Variants in YAF2 observed in about 807,000 individuals in gnomAD.
The protein encoded by YAF2 is YY1-associated factor 2.
A neutral mutation model predicts 20.1 loss-of-function variants in YAF2; 7 were observed. The ratio of observed to expected loss-of-function variants is 0.35; its 90% CI spans 0.20 to 0.65. YAF2 has a LOEUF of 0.65. Ranked by LOEUF, YAF2 falls within the 30% of genes least tolerant of loss-of-function variation. YAF2 has a pLI of 0.69. For synonymous variants in YAF2, 74 were observed against 76.0 expected (o/e 0.97, Z 0.14); for missense variants, 151 against 219.2 (o/e 0.69, Z 1.96).
chr12:42,180,194 T>G (rs1003824613), intron 2 of YAF2, among the ~76,000 whole-genome samples: 2 of 152,174 alleles, frequency 1.3e-5, no homozygotes, highest in African/African-American at 4.8e-5. Flanking sequence ...GTGAGGTGCT[T>G]CTAATAAATA....
At chr12:42,168,239 C>T (rs2065960574) in intron 2 of YAF2, among the ~76,000 whole-genome samples, 1 of 144,860 alleles carries the variant, frequency 6.9e-6, no homozygotes, top group Admixed American at 7.2e-5. Flanking sequence ...AGTGCAATGG[C>T]GCACTCTCAG....
At chr12:42,233,015 C>CA in intron 2 of YAF2, 40 of 985,222 alleles carry the variant, frequency 4.1e-5, no homozygotes, top group Non-Finnish European at 4.8e-5. Flanking sequence ...TTTAAAGAAA[C>CA]AAAAAAATCC....
At chr12:42,200,377 G>A (rs80039797) in intron 2 of YAF2, among the ~76,000 whole-genome samples, 1,597 of 152,242 alleles carry the variant, frequency 0.01, 27 homozygotes, top group African/African-American at 0.037. Context: ...TAAAGAGAGA[G>A]GCTGAAAACT....
At chr12:42,178,199 G>A (rs1274977484) in intron 2 of YAF2, among the ~76,000 whole-genome samples, 1 of 151,766 alleles carries the variant, frequency 6.6e-6, no homozygotes, top group Non-Finnish European at 1.5e-5. Flanking sequence ...AAATTTCCAG[G>A]GATCTGTGAT....
intron 2 of YAF2, among the ~76,000 whole-genome samples, chr12:42,171,242 T>C (rs1028934885): frequency 6.6e-6 from 1 of 152,292 alleles, no homozygotes; most frequent in East Asian, 1.9e-4. Flanking sequence ...CCGCCCACCT[T>C]GGCCTCCCAG....
At chr12:42,207,754 C>A (rs12424596) in intron 2 of YAF2, among the ~76,000 whole-genome samples, 2,234 of 151,924 alleles carry the variant, frequency 0.015, 32 homozygotes, top group Non-Finnish European at 0.021. Flanking sequence ...AGCCGGGCGT[C>A]GTGGCGGGCG....
chr12:42,186,943 A>G (rs541325484), intron 2 of YAF2, among the ~76,000 whole-genome samples: 1 of 152,282 alleles, frequency 6.6e-6, no homozygotes, highest in South Asian at 2.1e-4. Flanking sequence ...TCAGCGAACT[A>G]TAATTTTAAA....
intron 2 of YAF2, among the ~76,000 whole-genome samples, chr12:42,179,443 C>T (rs576253482): frequency 2.0e-4 from 31 of 152,322 alleles, no homozygotes; most frequent in African/African-American, 7.2e-4. Context: ...GCAGTGCAGC[C>T]TCAGCAACAA....
intron 2 of YAF2, among the ~76,000 whole-genome samples, chr12:42,226,985 C>T (rs1181894063): frequency 1.3e-5 from 2 of 148,200 alleles, no homozygotes; most frequent in African/African-American, 2.5e-5. Context: ...AGTGCGGAGC[C>T]GGGACAGTCG....
chr12:42,181,855 G>A (rs925960299), intron 2 of YAF2, among the ~76,000 whole-genome samples: 11 of 152,060 alleles, frequency 7.2e-5, no homozygotes, highest in East Asian at 3.9e-4. Context: ...AATGAGAAGC[G>A]TAGTAATAAG....
intron 2 of YAF2, among the ~76,000 whole-genome samples, chr12:42,216,312 C>T (rs1162779640): frequency 6.6e-6 from 1 of 152,010 alleles, no homozygotes. Context: ...AATCTAAATG[C>T]CATACTTATT....
At chr12:42,202,701 T>A (rs1162764685) in intron 2 of YAF2, among the ~76,000 whole-genome samples, 2 of 152,172 alleles carry the variant, frequency 1.3e-5, no homozygotes, top group Non-Finnish European at 2.9e-5. Context: ...TGCAATGGCA[T>A]GATCTCGGCT....
chr12:42,218,826 G>A (rs1006071730), intron 2 of YAF2, among the ~76,000 whole-genome samples: 12 of 151,528 alleles, frequency 7.9e-5, no homozygotes, highest in African/African-American at 1.5e-4. Context: ...TACTAATCTC[G>A]GTCCTTAAAA....
chr12:42,219,332 T>G (rs1032807259), intron 2 of YAF2, among the ~76,000 whole-genome samples: 2 of 152,204 alleles, frequency 1.3e-5, no homozygotes, highest in Non-Finnish European at 1.5e-5. Context: ...TTTACCCTCT[T>G]ATTTCCTGAA....
chr12:42,211,217 A>C (rs1457874210), intron 2 of YAF2, among the ~76,000 whole-genome samples: 1 of 150,330 alleles, frequency 6.7e-6, no homozygotes, highest in East Asian at 2.0e-4. Flanking sequence ...ACCTGAGATC[A>C]GGAGTTCGAG....
intron 2 of YAF2, chr12:42,235,420 C>T: frequency 9.4e-7 from 1 of 1,063,396 alleles, no homozygotes; most frequent in Non-Finnish European, 1.1e-6. Context: ...AATATCTTCT[C>T]TAGTAACAAT....
At chr12:42,226,242 A>C (rs1300362014) in intron 2 of YAF2, among the ~76,000 whole-genome samples, 1 of 152,234 alleles carries the variant, frequency 6.6e-6, no homozygotes, top group African/African-American at 2.4e-5. Flanking sequence ...ATATCATATA[A>C]ATTTCAACTA....
chr12:42,210,778 C>A, intron 2 of YAF2: 1 of 1,069,176 alleles, frequency 9.4e-7, no homozygotes, highest in Non-Finnish European at 1.3e-6. Flanking sequence ...TATATATACA[C>A]GTATCAAAGT....
Position 42,238,135 on chromosome 12 carries a change from C to T in YAF2, c.26+20G>A, listed in dbSNP as rs1565671726. 3 of 1,533,972 alleles carry T rather than the reference C, an allele frequency of 2.0e-6. No individual in the cohort carries two copies. Among genetic ancestry groups the T allele is most frequent in the South Asian group, 2.4e-5 (2 of 83,376 alleles). On this transcript the variant is annotated intron_variant, in intron 1 of 3. Coordinates refer to ENST00000534854, the MANE Select transcript of YAF2 (RefSeq NM_005748.6). Reference sequence around the variant, plus strand: ...CCTGCCGCCCGCACAGTCCGGGCCCCGGGGCCCGGGCGCTGTTACCTGGTG... The same window carrying T: ...CCTGCCGCCCGCACAGTCCGGGCCCTGGGGCCCGGGCGCTGTTACCTGGTG...
Sources: allele counts gnomAD v4.1 joint callset (sites outside exome capture counted in the v4.1 genomes callset), GRCh38; gene constraint gnomAD v4.1.1; transcripts MANE v1.5; gene names NCBI Gene and HGNC (gene_info 2026-07-23, HGNC 2026-07-21).